EP300: variants seen among roughly 807,000 people sequenced by gnomAD.
The protein encoded by EP300 is EP300 lysine acetyltransferase, also known as histone acetyltransferase p300.
EP300 carries 31 observed loss-of-function variants against 264.0 expected under a neutral mutation model. The ratio of observed to expected loss-of-function variants is 0.12; its 90% CI spans 0.09 to 0.16. The LOEUF is 0.16. Ranked by LOEUF, EP300 falls within the 10% of genes least tolerant of loss-of-function variation. The pLI is 1.00. For synonymous variants in EP300, 1,340 were observed against 1,045.4 expected (o/e 1.28, Z -5.44); for missense variants, 2,766 against 3,052.9 (o/e 0.91, Z 2.21).
At chr22:41,163,351 C>T (rs1345727790) in intron 21 of EP300, among the ~76,000 whole-genome samples, 5 of 145,690 alleles carry the variant, frequency 3.4e-5, no homozygotes, top group African/African-American at 1.3e-4. Context: ...AGGAGAATGG[C>T]GTGAACCTGG....
At position 41,167,931 on chromosome 22, in the gene EP300, C is replaced by T. The variant is rs559699566; in HGVS notation, c.3875-518C>T. On this transcript the variant is annotated intron_variant, in intron 23 of 30. Coordinates refer to ENST00000263253, the MANE Select transcript of EP300 (RefSeq NM_001429.4). ...CTGCCTCCCGGGTTCAAGCGATTCT[C>T]GTGCCTCAGCCTCCCAAGTAGCTGG... is the stretch of plus-strand genomic sequence containing the variant. Among the ~76,000 whole-genome samples the T allele has an allele frequency of 6.0e-3, 835 of 138,118 alleles. 2 individuals are homozygous for T. Among genetic ancestry groups the T allele is most frequent in the Non-Finnish European group, 8.5e-3 (555 of 65,636 alleles). 90.6% of individuals were successfully genotyped at this position (138,118 alleles called of 152,430 possible). A position where few individuals can be genotyped will look rare whatever the true frequency, so the allele number is the denominator to read the frequency against.
In EP300 at chr22:41,129,786, T is replaced by C. The variant is rs2058906185; in HGVS notation, c.1169-104T>C. Reference sequence around the variant, plus strand: ...TTATAGGGCTGTTAGGAAGATGAAATAAGTTAATGCATTTATGTTACTTAT... The same window carrying C: ...TTATAGGGCTGTTAGGAAGATGAAACAAGTTAATGCATTTATGTTACTTAT... On this transcript the variant is annotated intron_variant, in intron 4 of 30. Coordinates refer to ENST00000263253, the MANE Select transcript of EP300 (RefSeq NM_001429.4). 6 of 840,512 alleles carry C rather than the reference T, an allele frequency of 7.1e-6. No homozygotes were observed. The South Asian group carries it at 8.6e-5, about 12-fold the overall frequency. 52.1% of individuals were successfully genotyped at this position (840,512 alleles called of 1,614,324 possible). A position where few individuals can be genotyped will look rare whatever the true frequency, so the allele number is the denominator to read the frequency against.
At chr22:41,105,346 C>T (rs2058753089) in intron 1 of EP300, among the ~76,000 whole-genome samples, 1 of 122,372 alleles carries the variant, frequency 8.2e-6, no homozygotes. Flanking sequence ...GAGAGTGAAA[C>T]TGCATCTCAA....
At chr22:41,100,251 T>C (rs1251604551) in intron 1 of EP300, among the ~76,000 whole-genome samples, 1 of 152,052 alleles carries the variant, frequency 6.6e-6, no homozygotes, top group Admixed American at 6.6e-5. Context: ...ACAACAAAAA[T>C]TAGTGTTTAT....
intron 1 of EP300, among the ~76,000 whole-genome samples, chr22:41,104,828 T>C (rs998763503): frequency 2.7e-5 from 4 of 150,836 alleles, no homozygotes; most frequent in African/African-American, 4.9e-5. Context: ...AAGACCAGCC[T>C]GGCCAACATG....
In EP300 at chr22:41,178,009, A is replaced by C. The variant is rs1601641121; in HGVS notation, c.6298A>C (p.Ile2100Leu). ...AKYANSNPQP[I>L]PGQPGMPQGQ... is the part of the protein sequence containing the mutation. ...GTATGCCAACTCTAATCCACAACCC[A>C]TCCCTGGGCAGCCTGGCATGCCCCA... The change falls in exon 31 of 31, where the codon ATC becomes CTC. Residue 2100 changes from isoleucine to leucine, a missense_variant. Ile to Leu is a conservative substitution (Grantham distance 5). Transcript: ENST00000263253. 6.2e-7 allele frequency: 1 copy of C among 1,614,002 alleles called. No individual in the cohort carries two copies. Among genetic ancestry groups the C allele is most frequent in the Non-Finnish European group, 8.5e-7 (1 of 1,179,976 alleles).
At chr22:41,125,741 C>G in intron 2 of EP300, 123 bp from the exon 3 acceptor site, 7 of 1,081,298 alleles carry the variant, frequency 6.5e-6, no homozygotes, top group Non-Finnish European at 9.3e-6. Context: ...AGTGTCTTTT[C>G]TAATAGAAGC....
intron 2 of EP300, among the ~76,000 whole-genome samples, chr22:41,118,742 G>A (rs1008697429): frequency 1.9e-4 from 29 of 151,896 alleles, no homozygotes; most frequent in African/African-American, 6.8e-4. Flanking sequence ...GATCGCTTGA[G>A]CCCAGGAGTT....
chr22:41,095,628 T>G (rs551153002), intron 1 of EP300, among the ~76,000 whole-genome samples: 1 of 152,158 alleles, frequency 6.6e-6, no homozygotes, highest in Non-Finnish European at 1.5e-5. Flanking sequence ...CTTAAAACTT[T>G]TAAGTTTCAA....
Position 41,125,303 on chromosome 22 carries a change from A to T in EP300, c.730-561A>T, listed in dbSNP as rs867881262. Among the ~76,000 whole-genome samples, 7 of 151,604 alleles carry T rather than the reference A, an allele frequency of 4.6e-5. No homozygotes were observed. The South Asian group carries it at 1.0e-3, about 23-fold the overall frequency. On this transcript the variant is annotated intron_variant, in intron 2 of 30. Transcript: ENST00000263253. The stretch of plus-strand genomic sequence containing the variant: ...CCGGCTAATTTTTTGTATTTTTAGT[A>T]GAGACGGGGTTTCACCATGTTAGCC...
At chr22:41,146,710 A>G (rs2059012282) in intron 10 of EP300, 29 bp from the exon 11 acceptor site, 3 of 1,606,886 alleles carry the variant, frequency 1.9e-6, no homozygotes, top group Non-Finnish European at 2.6e-6. Context: ...AGATGGTGCA[A>G]AGATACTTAT....
At chr22:41,127,829 G>T in intron 4 of EP300, 81 bp downstream of exon 4, 1 of 1,560,334 alleles carries the variant, frequency 6.4e-7, no homozygotes. Context: ...AGTCTATTTT[G>T]TGGTGATGGA....
At chr22:41,126,859 C>T (rs2058885910) in intron 3 of EP300, among the ~76,000 whole-genome samples, 2 of 149,764 alleles carry the variant, frequency 1.3e-5, no homozygotes, top group South Asian at 2.1e-4. Context: ...ACTCTCCTGC[C>T]TCAGCCTTCT....
intron 1 of EP300, among the ~76,000 whole-genome samples, chr22:41,114,677 T>G (rs1230060864): frequency 6.6e-6 from 1 of 152,042 alleles, no homozygotes; most frequent in African/African-American, 2.4e-5. Context: ...GGTATATAAG[T>G]GGTAAAACAT....
rs1205560719 is a variant in EP300, at chr22:41,168,880, C to A, written c.4172+13C>A. On this transcript the variant is annotated intron_variant, in intron 25 of 30. Transcript: ENST00000263253. ...CACCCAACCAGAGGTATGACTAGCTCACAGTGGCTAGCTCCGGATTTGTGT... is the reference window on the plus strand; with the variant it reads ...CACCCAACCAGAGGTATGACTAGCTAACAGTGGCTAGCTCCGGATTTGTGT... The A allele has an allele frequency of 6.2e-7, 1 of 1,614,110 alleles. No individual in the cohort carries two copies. Among genetic ancestry groups the A allele is most frequent in the East Asian group, 2.2e-5 (1 of 44,890 alleles).
rs886041739 is a variant in EP300 at position 41,157,379 on chromosome 22, C to G, written c.3472C>G (p.Gln1158Glu). The change falls in exon 18 of 31, where the codon CAA becomes GAA. Residue 1158 changes from glutamine to glutamate, a missense_variant. Coordinates refer to ENST00000263253, the MANE Select transcript of EP300 (RefSeq NM_001429.4). ...VFEQEIDPVM[Q>E]SLGYCCGRKL... ...TGAACAAGAAATTGACCCAGTGATG[C>G]AAAGCCTTGGATACTGTTGTGGCAG... 1 of 1,614,116 alleles carries G rather than the reference C, an allele frequency of 6.2e-7. No individual in the cohort carries two copies. Among genetic ancestry groups the G allele is most frequent in the Admixed American group, 1.7e-5 (1 of 60,016 alleles).
chr22:41,099,976 G>A (rs1240464915), intron 1 of EP300, among the ~76,000 whole-genome samples: 4 of 152,138 alleles, frequency 2.6e-5, no homozygotes, highest in Admixed American at 2.0e-4. Flanking sequence ...TGGCACTTTG[G>A]GAGATTGAGG....
At chr22:41,100,461 C>T (rs1019564968) in intron 1 of EP300, among the ~76,000 whole-genome samples, 2 of 151,996 alleles carry the variant, frequency 1.3e-5, no homozygotes, top group African/African-American at 4.8e-5. Context: ...AATATAGGAA[C>T]AGAGCTTAAA....
intron 1 of EP300, among the ~76,000 whole-genome samples, chr22:41,109,262 A>AAC (rs2058775219): frequency 1.3e-5 from 2 of 151,584 alleles, no homozygotes; most frequent in Non-Finnish European, 2.9e-5. Context: ...TCAAAAAAAA[A>AAC]AAAAAACAAA....
Sources: gnomAD v4.1 joint callset for allele counts (sites outside exome capture counted in the v4.1 genomes callset) on GRCh38, gnomAD v4.1.1 for gene constraint, MANE v1.5 for transcripts, NCBI Gene and HGNC (gene_info 2026-07-23, HGNC 2026-07-21) for gene names.